MTCL1: variants seen among roughly 807,000 people sequenced by gnomAD.
The protein encoded by MTCL1 is microtubule crosslinking factor 1.
Under a neutral mutation model 141.4 loss-of-function variants are expected in MTCL1, and 79 were observed. That is an observed-to-expected ratio of 0.56 (90% CI 0.47 to 0.67). The LOEUF is 0.67. MTCL1 is among the 30% of genes least tolerant of loss of function. The pLI is 0.00. For synonymous variants in MTCL1, 914 were observed against 875.8 expected (o/e 1.04, Z -0.77); for missense variants, 2,177 against 2,113.9 (o/e 1.03, Z -0.59).
chr18:8,740,808 C>T (rs2096298752), intron 4 of MTCL1, among the ~76,000 whole-genome samples: 1 of 152,150 alleles, frequency 6.6e-6, no homozygotes, highest in African/African-American at 2.4e-5. Flanking sequence ...TAGATTACTC[C>T]TTTTATGAAG....
intron 5 of MTCL1, chr18:8,782,444 G>A (rs975312130): frequency 2.6e-5 from 4 of 152,138 alleles, no homozygotes; most frequent in African/African-American, 4.8e-5. Context: ...AAACCAAAAC[G>A]GGGAGTTCAT....
chr18:8,786,585 G>A, intron 7 of MTCL1: 1 of 354,432 alleles, frequency 2.8e-6, no homozygotes, highest in East Asian at 7.4e-5. Flanking sequence ...TGACCTGTGG[G>A]CACCCCTAGC....
upstream of MTCL1, chr18:8,705,646 C>T (rs1164518412): frequency 5.0e-6 from 6 of 1,211,668 alleles, no homozygotes; most frequent in East Asian, 6.7e-5. The surrounding 1 kb of genome is among the most constrained non-coding windows in gnomAD (Gnocchi z 5.2). Flanking sequence ...TGAGCTGCTG[C>T]CGGCGGACCC....
chr18:8,788,370 C>T (rs1304011551), intron 7 of MTCL1, among the ~76,000 whole-genome samples: 1 of 152,116 alleles, frequency 6.6e-6, no homozygotes, highest in Non-Finnish European at 1.5e-5. Flanking sequence ...GGAGGGGGCC[C>T]AATAGCACAC....
At chr18:8,786,123 C>G (rs762694476) in intron 7 of MTCL1, 32 bp downstream of exon 6, 1 of 1,173,232 alleles carries the variant, frequency 8.5e-7, no homozygotes, top group African/African-American at 1.5e-5. Context: ...CCCCCCCCCG[C>G]CCTCCCCCTC....
upstream of MTCL1, among the ~76,000 whole-genome samples, chr18:8,713,071 A>G (rs1047347394): frequency 5.9e-5 from 9 of 152,150 alleles, no homozygotes; most frequent in Admixed American, 5.2e-4. Flanking sequence ...TTTTCATTAA[A>G]ACATATAATT....
intron 4 of MTCL1, among the ~76,000 whole-genome samples, chr18:8,746,841 G>A (rs114756525): frequency 5.3e-5 from 8 of 152,238 alleles, no homozygotes; most frequent in African/African-American, 1.9e-4. Context: ...ATATATACCC[G>A]AGGACCGCGT....
intron 12 of MTCL1, among the ~76,000 whole-genome samples, chr18:8,817,959 G>C (rs1323805597): frequency 6.6e-6 from 1 of 152,242 alleles, no homozygotes; most frequent in African/African-American, 2.4e-5. Context: ...GGGCTCCTCT[G>C]GGGAGGGAGG....
chr18:8,743,476 A>G (rs969807368), intron 4 of MTCL1, among the ~76,000 whole-genome samples: 6 of 152,204 alleles, frequency 3.9e-5, no homozygotes, highest in Non-Finnish European at 8.8e-5. Context: ...ACACAAATTT[A>G]TTGTCTCATA....
Position 8,830,543 on chromosome 18 carries a change from C to T in MTCL1, c.*19-1064C>T. 7.1e-6 allele frequency: 7 copies of T among 986,466 alleles called. No homozygotes were observed. Among genetic ancestry groups the T allele is most frequent in the Non-Finnish European group, 8.4e-6 (7 of 830,700 alleles). The allele number at this position is 986,466 out of a possible 1,614,324, so 61.1% of individuals were successfully genotyped here. On this transcript the variant is annotated intron_variant, in intron 16 of 16. Coordinates refer to ENST00000359865, the Ensembl canonical transcript of MTCL1. The surrounding 1 kb of genome is among the most constrained non-coding windows in gnomAD (Gnocchi z 6.4). ...TCCTTCCCCCGCTGCTGCTCCCCTG[C>T]ACCACTGGCTGGGCTGTCCTCATCC...
At chr18:8,726,405 C>A (rs1230315640) in intron 4 of MTCL1, among the ~76,000 whole-genome samples, 1 of 150,016 alleles carries the variant, frequency 6.7e-6, no homozygotes, top group Non-Finnish European at 1.5e-5. Context: ...GCCCTCTTCC[C>A]TGCTTACAGA....
At chr18:8,768,731 C>CT (rs1341945370) in intron 4 of MTCL1, among the ~76,000 whole-genome samples, 1 of 151,112 alleles carries the variant, frequency 6.6e-6, no homozygotes, top group Non-Finnish European at 1.5e-5. Flanking sequence ...TCTTGATGGA[C>CT]TGGTAGATTT....
upstream of MTCL1, among the ~76,000 whole-genome samples, chr18:8,713,147 A>G (rs1376655701): frequency 1.3e-5 from 2 of 152,200 alleles, no homozygotes; most frequent in African/African-American, 4.8e-5. Flanking sequence ...GATACATGAT[A>G]AGGCTTGATT....
chr18:8,753,655 C>T (rs1167385386), intron 4 of MTCL1, among the ~76,000 whole-genome samples: 1 of 152,222 alleles, frequency 6.6e-6, no homozygotes, highest in African/African-American at 2.4e-5. Context: ...GCCTGGAGAA[C>T]CCACCATGTT....
intron 4 of MTCL1, among the ~76,000 whole-genome samples, chr18:8,731,475 G>A (rs1019654462): frequency 2.5e-4 from 38 of 151,936 alleles, no homozygotes; most frequent in Non-Finnish European, 4.3e-4. Context: ...TCAGGAGGCC[G>A]AGGCAAGAGA....
At chr18:8,824,039 G>A (rs2076932548) in intron 14 of MTCL1, among the ~76,000 whole-genome samples, 1 of 152,198 alleles carries the variant, frequency 6.6e-6, no homozygotes, top group Non-Finnish European at 1.5e-5. Context: ...ACCCCAGCTG[G>A]AGGGATTCCA....
chr18:8,793,814 G>A (rs558006760), intron 8 of MTCL1, among the ~76,000 whole-genome samples: 5 of 152,324 alleles, frequency 3.3e-5, no homozygotes, highest in African/African-American at 4.8e-5. Context: ...AAAGCAAAGC[G>A]GTTGATCTTG....
At chr18:8,735,486 T>A (rs1285231777) in intron 4 of MTCL1, among the ~76,000 whole-genome samples, 2 of 152,186 alleles carry the variant, frequency 1.3e-5, no homozygotes, top group African/African-American at 2.4e-5. Context: ...CTGGCTGCCT[T>A]TTTCAAGCCA....
At chr18:8,831,209 C>T (rs1394834318) in intron 16 of MTCL1, 27 of 1,015,296 alleles carry the variant, frequency 2.7e-5, no homozygotes, top group Non-Finnish European at 3.2e-5. Flanking sequence ...CACTTGTCCA[C>T]TGTAGCTAAA....
Sources: gnomAD v4.1 joint callset for allele counts (sites outside exome capture counted in the v4.1 genomes callset) on GRCh38, gnomAD v4.1.1 for gene constraint, Gnocchi (gnomAD v3.1) non-coding constraint, MANE v1.5 for transcripts, NCBI Gene and HGNC (gene_info 2026-07-23, HGNC 2026-07-21) for gene names.